The following BRCC3 variants were observed in gnomAD, a reference collection of about 807,000 sequenced individuals.
BRCC3 encodes the protein BRCA1/BRCA2-containing complex subunit 3.
A neutral mutation model predicts 28.0 loss-of-function variants in BRCC3; 15 were observed. The observed-to-expected ratio is 0.54, with a 90% CI of 0.36 to 0.82. The LOEUF (loss-of-function observed/expected upper bound fraction) is 0.82, where lower values mean the gene tolerates loss of function less well. BRCC3 is among the 40% of genes least tolerant of loss of function. BRCC3 has a pLI of 0.01. For synonymous variants in BRCC3, 66 were observed against 80.3 expected (o/e 0.82, Z 0.95); for missense variants, 109 against 225.9 (o/e 0.48, Z 3.32).
chrX:155,083,397 A>G (rs1200051716), intron 5 of BRCC3, among the ~76,000 whole-genome samples: 3 of 112,148 alleles, frequency 2.7e-5, no homozygotes, highest in Non-Finnish European at 3.8e-5. Context: ...AACAGGAACC[A>G]TTAGAAAGGA....
chrX:155,077,807 C>T (rs145915546), intron 4 of BRCC3, among the ~76,000 whole-genome samples: 2 of 112,021 alleles, frequency 1.8e-5, no homozygotes, highest in African/African-American at 3.2e-5. Flanking sequence ...TCCTGGCCGG[C>T]GCCTCGTAAG....
intron 3 of BRCC3, among the ~76,000 whole-genome samples, chrX:155,075,472 G>C (rs2074031746): frequency 8.9e-6 from 1 of 111,977 alleles, no homozygotes; most frequent in African/African-American, 3.3e-5. Context: ...TTGCCATATT[G>C]TATATCTCTC....
At chrX:155,099,259 G>A (rs2074231744) in intron 7 of BRCC3, 1 of 1,171,108 alleles carries the variant, frequency 8.5e-7, no homozygotes, top group Non-Finnish European at 1.1e-6. Flanking sequence ...GTGTCATCAG[G>A]GACCCAGACT....
Position 155,075,804 on chromosome X carries a change from G to A in BRCC3, c.196-1366G>A, listed in dbSNP as rs182544083. 4.7e-3 allele frequency among the ~76,000 whole-genome samples: 527 copies of A among 111,681 alleles called. 3 individuals are homozygous for A. Among genetic ancestry groups the A allele is most frequent in the African/African-American group, 0.016 (500 of 30,719 alleles). Reference sequence around the variant, plus strand: ...TGCAAATTATGGCTTGGCATTTGAGGTCTTGTACATTCTCACTCCAACTTT... The same window carrying A: ...TGCAAATTATGGCTTGGCATTTGAGATCTTGTACATTCTCACTCCAACTTT... On this transcript the variant is annotated intron_variant, in intron 3 of 10. Coordinates refer to ENST00000330045, the MANE Select transcript of BRCC3 (RefSeq NM_001018055.3).
chrX:155,085,755 G>A (rs5945287), intron 5 of BRCC3, among the ~76,000 whole-genome samples: 30,030 of 109,419 alleles, frequency 0.27, 3,283 homozygotes, highest in African/African-American at 0.41. Flanking sequence ...GGGAGAAGTG[G>A]AACAGGCAAT....
intron 3 of BRCC3, among the ~76,000 whole-genome samples, chrX:155,075,807 T>G (rs1557293550): frequency 8.9e-6 from 1 of 112,098 alleles, no homozygotes; most frequent in East Asian, 2.8e-4. Flanking sequence ...ATTTGAGGTC[T>G]TGTACATTCT....
chrX:155,076,049 G>T lies in BRCC3; in HGVS notation c.196-1121G>T, dbSNP rs782628876. Among the ~76,000 whole-genome samples, 3 of 112,198 alleles carry T rather than the reference G, an allele frequency of 2.7e-5. No homozygotes were observed. In the South Asian group the frequency reaches 1.1e-3, roughly 42 times the overall value. ...AGATTCATATTCTGCTTATGTAAAA[G>T]ATTACTTTTCTAATATAAGTGAGTT... On this transcript the variant is annotated intron_variant, in intron 3 of 10. Coordinates refer to ENST00000330045, the MANE Select transcript of BRCC3 (RefSeq NM_001018055.3).
At chrX:155,110,390 G>C (rs2074312898) in intron 7 of BRCC3, among the ~76,000 whole-genome samples, 1 of 111,173 alleles carries the variant, frequency 9.0e-6, no homozygotes, top group African/African-American at 3.3e-5. Context: ...AAATATGTAG[G>C]ATTATTCTGA....
At chrX:155,072,374 T>A (rs1557292750) in intron 2 of BRCC3, 31 bp downstream of exon 2, 1 of 1,142,215 alleles carries the variant, frequency 8.8e-7, no homozygotes, top group Admixed American at 2.2e-5. Flanking sequence ...TCATATCTTA[T>A]AATCTCTAAG....
chrX:155,084,770 A>C (rs1765398268), intron 5 of BRCC3, among the ~76,000 whole-genome samples: 1 of 111,106 alleles, frequency 9.0e-6, no homozygotes, highest in African/African-American at 3.3e-5. Context: ...TGGGAGTTCA[A>C]GTCCATCCTG....
intron 7 of BRCC3, among the ~76,000 whole-genome samples, chrX:155,099,119 C>T (rs911288447): frequency 1.4e-4 from 15 of 107,696 alleles, no homozygotes; most frequent in African/African-American, 4.7e-4. Context: ...TTATTGTTCC[C>T]GTCAGGATTA....
At chrX:155,109,545 G>A (rs1188467325) in intron 7 of BRCC3, among the ~76,000 whole-genome samples, 2 of 111,392 alleles carry the variant, frequency 1.8e-5, no homozygotes, top group Admixed American at 9.5e-5. Context: ...ATTGTAATTG[G>A]TATCTTTTCA....
At chrX:155,114,371 A>G (rs1403702642) in intron 7 of BRCC3, among the ~76,000 whole-genome samples, 2 of 111,497 alleles carry the variant, frequency 1.8e-5, no homozygotes, top group South Asian at 3.7e-4. Context: ...GGACAGATGC[A>G]GCATTTTTCT....
intron 7 of BRCC3, among the ~76,000 whole-genome samples, chrX:155,109,493 T>A (rs936858695): frequency 8.9e-5 from 10 of 112,086 alleles, no homozygotes; most frequent in Non-Finnish European, 1.9e-4. Flanking sequence ...ATTGCACACA[T>A]CTTTCATTTA....
intron 5 of BRCC3, among the ~76,000 whole-genome samples, chrX:155,086,172 G>A (rs782365791): frequency 3.6e-5 from 4 of 111,368 alleles, no homozygotes; most frequent in South Asian, 3.8e-4. Flanking sequence ...GCTAACAGCC[G>A]CCCCATTGGG....
At chrX:155,072,246 T>C (rs1029386400) in intron 1 of BRCC3, 81 bp from the exon 2 acceptor site, 11 of 816,945 alleles carry the variant, frequency 1.3e-5, no homozygotes, top group South Asian at 8.9e-5. Flanking sequence ...ACACATGACC[T>C]AATTGTCATA....
At chrX:155,074,960 C>G (rs1243433842) in intron 3 of BRCC3, among the ~76,000 whole-genome samples, 1 of 111,523 alleles carries the variant, frequency 9.0e-6, no homozygotes, top group Non-Finnish European at 1.9e-5. Context: ...ATCATGTGAG[C>G]CACGAATGTG....
chrX:155,086,951 C>T (rs1489755375), intron 5 of BRCC3, among the ~76,000 whole-genome samples: 2 of 112,134 alleles, frequency 1.8e-5, no homozygotes, highest in Non-Finnish European at 3.8e-5. Flanking sequence ...ATGGGCTTTT[C>T]ACTCAGAGAG....
At chrX:155,117,673 TAAAC>T (rs2074365383) in intron 9 of BRCC3, among the ~76,000 whole-genome samples, 1 of 111,913 alleles carries the variant, frequency 8.9e-6, no homozygotes, top group Non-Finnish European at 1.9e-5. Flanking sequence ...TAGCTCAAAA[TAAAC>T]AAATAGATCA....
Sources: gnomAD v4.1 joint callset for allele counts (sites outside exome capture counted in the v4.1 genomes callset) on GRCh38, gnomAD v4.1.1 for gene constraint, MANE v1.5 for transcripts, NCBI Gene and HGNC (gene_info 2026-07-23, HGNC 2026-07-21) for gene names.